Variants in IMMP2L observed in about 807,000 individuals in gnomAD.
IMMP2L encodes the protein inner mitochondrial membrane peptidase subunit 2.
In IMMP2L, 18 loss-of-function variants were observed where a neutral mutation model predicts 19.3. That is an observed-to-expected ratio of 0.93 (90% confidence interval 0.64 to 1.38). The LOEUF is 1.38. Ranked by LOEUF, IMMP2L falls within the 40% of genes most tolerant of loss-of-function variation. The pLI is 0.00. For synonymous variants in IMMP2L, 76 were observed against 73.0 expected, an observed-to-expected ratio of 1.04 and a Z score of -0.21; for missense variants, 233 against 218.2, an observed-to-expected ratio of 1.07 and a Z score of -0.43.
At chr7:111,504,128 G>C (rs1172979274) in intron 2 of IMMP2L, among the ~76,000 whole-genome samples, 1 of 152,096 alleles carries the variant, frequency 6.6e-6, no homozygotes, top group Admixed American at 6.5e-5. Context: ...CAAAGTCTCA[G>C]GATACAAAAT....
At chr7:110,961,700 A>G (rs896445908) in intron 4 of IMMP2L, among the ~76,000 whole-genome samples, 2 of 151,942 alleles carry the variant, frequency 1.3e-5, no homozygotes, top group Non-Finnish European at 2.9e-5. Context: ...ACAAAATGTG[A>G]TAAGTCTATA....
At position 111,414,508 on chromosome 7, in the gene IMMP2L, T is replaced by C. The variant is rs1001355031; in HGVS notation, c.239+72730A>G. ...GTAAAAAGAACAGTAGTAGGAGTAA[T>C]GGGCAGGAGGAAGATAGAGATGAAT... On this transcript the variant is annotated intron_variant, in intron 3 of 5. Coordinates refer to ENST00000405709, the MANE Select transcript of IMMP2L (RefSeq NM_032549.4). Among the ~76,000 whole-genome samples the C allele has an allele frequency of 5.9e-5, 9 of 151,736 alleles. 1 individual carries two copies. Among genetic ancestry groups the C allele is most frequent in the Non-Finnish European group, 8.8e-5 (6 of 67,998 alleles).
At chr7:111,174,408 G>T (rs1586687760) in intron 3 of IMMP2L, among the ~76,000 whole-genome samples, 2 of 151,488 alleles carry the variant, frequency 1.3e-5, no homozygotes, top group South Asian at 2.1e-4. Flanking sequence ...ATACACACAG[G>T]CATATTTACA....
At chr7:111,235,775 C>G (rs1478164578) in intron 3 of IMMP2L, among the ~76,000 whole-genome samples, 1 of 151,936 alleles carries the variant, frequency 6.6e-6, no homozygotes, top group Non-Finnish European at 1.5e-5. Context: ...CAGTCTAAAA[C>G]TCTCCCACTT....
chr7:110,937,943 A>G (rs1451317646), intron 4 of IMMP2L, among the ~76,000 whole-genome samples: 2 of 152,124 alleles, frequency 1.3e-5, no homozygotes, highest in Admixed American at 1.3e-4. Flanking sequence ...TTACTGAAAC[A>G]TTTGAAAGTC....
intron 3 of IMMP2L, among the ~76,000 whole-genome samples, chr7:111,280,250 C>T (rs944951416): frequency 2.0e-4 from 31 of 152,218 alleles, no homozygotes; most frequent in Admixed American, 2.6e-4. Context: ...ATTCCCGGGA[C>T]GTCACATTTG....
chr7:111,085,151 T>C (rs537897661), intron 3 of IMMP2L, among the ~76,000 whole-genome samples: 40 of 151,378 alleles, frequency 2.6e-4, no homozygotes, highest in African/African-American at 9.6e-4. Flanking sequence ...AAAATTTGTC[T>C]CATTGATTCC....
At chr7:111,111,159 G>A (rs1386470672) in intron 3 of IMMP2L, among the ~76,000 whole-genome samples, 7 of 151,956 alleles carry the variant, frequency 4.6e-5, no homozygotes, top group Non-Finnish European at 7.4e-5. Context: ...TGAAATGAAT[G>A]CAAATTTATA....
At chr7:111,362,311 A>T (rs1829336713) in intron 3 of IMMP2L, among the ~76,000 whole-genome samples, 1 of 152,054 alleles carries the variant, frequency 6.6e-6, no homozygotes, top group Non-Finnish European at 1.5e-5. Flanking sequence ...TTAAAATTGA[A>T]CTTTTAAATT....
At chr7:110,900,451 C>G (rs1304879140) in intron 4 of IMMP2L, among the ~76,000 whole-genome samples, 1 of 152,192 alleles carries the variant, frequency 6.6e-6, no homozygotes, top group Non-Finnish European at 1.5e-5. Context: ...CCACCAACTT[C>G]TCCTTCCTGG....
chr7:111,303,190 AT>A (rs113990334), intron 3 of IMMP2L, among the ~76,000 whole-genome samples: 2 of 151,646 alleles, frequency 1.3e-5, no homozygotes, highest in Middle Eastern at 3.4e-3. Context: ...AAGTGCTTTG[AT>A]TTTTTTTCTC....
intron 3 of IMMP2L, among the ~76,000 whole-genome samples, chr7:111,409,283 C>T (rs1158679600): frequency 6.6e-6 from 1 of 151,470 alleles, no homozygotes; most frequent in Non-Finnish European, 1.5e-5. Context: ...GAAAGCAATG[C>T]ATCAGTAATA....
At chr7:110,894,446 T>G (rs1399878396) in intron 4 of IMMP2L, among the ~76,000 whole-genome samples, 1 of 152,162 alleles carries the variant, frequency 6.6e-6, no homozygotes, top group Admixed American at 6.5e-5. Flanking sequence ...CATATAATGG[T>G]TTTAATTTGC....
At chr7:111,491,737 C>G (rs546052370) in intron 2 of IMMP2L, among the ~76,000 whole-genome samples, 3 of 152,270 alleles carry the variant, frequency 2.0e-5, no homozygotes, top group Admixed American at 2.0e-4. Context: ...CCCTCTTCCT[C>G]TCTGTCTTTG....
intron 5 of IMMP2L, among the ~76,000 whole-genome samples, chr7:110,834,252 T>C (rs1584971096): frequency 1.3e-5 from 2 of 152,306 alleles, no homozygotes; most frequent in East Asian, 3.9e-4. Flanking sequence ...CTGGAGCACA[T>C]TCAGTTTAGA....
At chr7:110,724,550 C>T (rs1196719379) in intron 5 of IMMP2L, 1 of 151,786 alleles carries the variant, frequency 6.6e-6, no homozygotes. Context: ...AGTAATGTTG[C>T]AGCTTCTCTG....
At chr7:111,281,231 A>G (rs1421074549) in intron 3 of IMMP2L, among the ~76,000 whole-genome samples, 2 of 129,404 alleles carry the variant, frequency 1.5e-5, no homozygotes, top group African/African-American at 6.3e-5. Context: ...AAAGAAAGAA[A>G]GAAAGAAAGA....
chr7:110,948,609 T>C (rs980923756), intron 4 of IMMP2L, among the ~76,000 whole-genome samples: 1 of 152,206 alleles, frequency 6.6e-6, no homozygotes, highest in African/African-American at 2.4e-5. Context: ...GGCAATGAAA[T>C]TTAGTATTCT....
intron 3 of IMMP2L, among the ~76,000 whole-genome samples, chr7:111,314,527 G>C (rs1161866547): frequency 1.3e-5 from 2 of 152,232 alleles, no homozygotes; most frequent in African/African-American, 2.4e-5. Flanking sequence ...GGATTGACTA[G>C]AGTGAATAAG....
Sources: gnomAD v4.1 joint callset for allele counts (sites outside exome capture counted in the v4.1 genomes callset) on GRCh38, gnomAD v4.1.1 for gene constraint, MANE v1.5 for transcripts, NCBI Gene and HGNC (gene_info 2026-07-23, HGNC 2026-07-21) for gene names.